ALOX12B: variants seen among roughly 807,000 people sequenced by gnomAD.
The protein encoded by ALOX12B is arachidonate 12-lipoxygenase, 12R-type.
Under a neutral mutation model 78.9 loss-of-function variants are expected in ALOX12B, and 47 were observed. The observed-to-expected ratio is 0.60, with a 90% confidence interval of 0.47 to 0.76. The LOEUF (loss-of-function observed/expected upper bound fraction) is 0.76. ALOX12B is among the 30% of genes least tolerant of loss of function. The probability of loss-of-function intolerance (pLI) is 0.00; values close to 1 mark genes in which losing one functional copy is unlikely to be tolerated. For missense variants in ALOX12B, 805 were observed against 922.6 expected (o/e 0.87, Z 1.65); for synonymous variants, 370 against 374.5 (o/e 0.99, Z 0.14).
In ALOX12B at chr17:8,079,785, A is replaced by G; in HGVS notation, c.911T>C (p.Leu304Ser). ...VAPFLGEGTC[L>S]QAELEKGNIY... ...GGGCCTCACCTCCAGCTCCGCTTGCAAGCACGTTCCCTCGCCCAGGAACGG... is the reference window on the plus strand; with the variant it reads ...GGGCCTCACCTCCAGCTCCGCTTGCGAGCACGTTCCCTCGCCCAGGAACGG... The change falls in exon 7 of 15, where the codon TTG becomes TCG. Residue 304 changes from leucine (L) to serine (S), a missense_variant. By Grantham distance (145) the Leu-to-Ser change is moderately radical (BLOSUM62 -2). Transcript: ENST00000647874. This position sits in a 1 kb window ranked among gnomAD's most constrained non-coding sequence, Gnocchi z 6.4. 1 of 1,612,694 alleles carries G rather than the reference A, an allele frequency of 6.2e-7. No homozygotes were observed. Among genetic ancestry groups the G allele is most frequent in the Non-Finnish European group, 8.5e-7 (1 of 1,179,798 alleles).
chr17:8,077,255 A>C (rs761694953), intron 8 of ALOX12B, 62 bp from the exon 9 acceptor site: 9 of 1,506,638 alleles, frequency 6.0e-6, no homozygotes, highest in Admixed American at 5.8e-5. Flanking sequence ...TAAAGGCCCC[A>C]CCGCAGGAAG....
At chr17:8,075,820 A>AGCT in intron 11 of ALOX12B, 104 bp from the exon 12 acceptor site, 1 of 1,590,046 alleles carries the variant, frequency 6.3e-7, no homozygotes, top group African/African-American at 1.3e-5. Flanking sequence ...TTGGCCCCAG[A>AGCT]GCTGCCCCAG....
intron 13 of ALOX12B, 140 bp downstream of exon 13, chr17:8,073,517 G>T (rs112977879): frequency 0.012 from 12,861 of 1,058,848 alleles, 93 homozygotes; most frequent in South Asian, 0.017. Context: ...CTCGGTTTCC[G>T]TTGGGACTGG....
chr17:8,084,278 G>A (rs1002600879), intron 2 of ALOX12B, among the ~76,000 whole-genome samples: 2 of 152,132 alleles, frequency 1.3e-5, no homozygotes, highest in East Asian at 1.9e-4. Flanking sequence ...TGTGCCTACC[G>A]CTGCAGCCCA....
intron 10 of ALOX12B, 119 bp downstream of exon 10, chr17:8,076,538 C>T (rs2151821902): frequency 2.3e-6 from 3 of 1,318,536 alleles, no homozygotes; most frequent in South Asian, 1.3e-5. Context: ...TCATCCAGCT[C>T]CCTCCCTTCA....
Position 8,080,395 on chromosome 17 carries a change from G to C in ALOX12B, c.651-57C>G, listed in dbSNP as rs915235957. ...AGAGGGGCTGCCAAGCGCCGGCTGG[G>C]GCAGGTGGCGGGGCCGCCCCATCCA... On this transcript the variant is annotated intron_variant, in intron 5 of 14. Coordinates refer to ENST00000647874, the MANE Select transcript of ALOX12B (RefSeq NM_001139.3). The surrounding 1 kb of genome is among the most constrained non-coding windows in gnomAD (Gnocchi z 4.8). The C allele has an allele frequency of 1.2e-5, 19 of 1,590,960 alleles. No individual in the cohort carries two copies. Among genetic ancestry groups the C allele is most frequent in the Non-Finnish European group, 1.6e-5 (18 of 1,159,384 alleles).
At chr17:8,085,903 G>A in intron 2 of ALOX12B, 113 bp downstream of exon 2, 1 of 1,271,470 alleles carries the variant, frequency 7.9e-7, no homozygotes, top group Non-Finnish European at 1.1e-6. Context: ...AGGAGTCCCT[G>A]GTGGGGCTGG....
At chr17:8,074,119 C>T (rs934531008) in intron 12 of ALOX12B, among the ~76,000 whole-genome samples, 1 of 152,128 alleles carries the variant, frequency 6.6e-6, no homozygotes, top group Non-Finnish European at 1.5e-5. Context: ...AGTCCTGCCC[C>T]GACTCAACCC....
At chr17:8,076,899 G>T in intron 9 of ALOX12B, 91 bp downstream of exon 9, 1 of 1,469,588 alleles carries the variant, frequency 6.8e-7, no homozygotes. Context: ...GCTGACTGGA[G>T]TCTCTCTGAC....
In ALOX12B at chr17:8,087,536, G is replaced by C; in HGVS notation, c.-94C>G. On this transcript the variant is annotated 5_prime_UTR_variant, in exon 1 of 15. Transcript: ENST00000647874. Reference sequence around the variant, plus strand: ...AGGCAGGCAAGAGAAGCCAGGCACAGAGTGGAGTGGACAGGGCTGGCCTCC... The same window carrying C: ...AGGCAGGCAAGAGAAGCCAGGCACACAGTGGAGTGGACAGGGCTGGCCTCC... The C allele has an allele frequency of 1.3e-6, 2 of 1,593,582 alleles. No individual in the cohort carries two copies. Among genetic ancestry groups the C allele is most frequent in the South Asian group, 2.2e-5 (2 of 90,458 alleles).
At chr17:8,083,451 C>A (rs980156315) in intron 2 of ALOX12B, among the ~76,000 whole-genome samples, 1 of 152,184 alleles carries the variant, frequency 6.6e-6, no homozygotes, top group South Asian at 2.1e-4. Context: ...TCTGTTCAGG[C>A]CAGGTGCGGT....
chr17:8,075,196 G>A (rs140400364), intron 12 of ALOX12B, among the ~76,000 whole-genome samples: 1 of 152,288 alleles, frequency 6.6e-6, no homozygotes, highest in Non-Finnish European at 1.5e-5. Flanking sequence ...GTGTACCCAG[G>A]TGGCGGGACC....
chr17:8,078,848 C>A (rs1977143628), intron 8 of ALOX12B, among the ~76,000 whole-genome samples: 1 of 150,684 alleles, frequency 6.6e-6, no homozygotes, highest in Non-Finnish European at 1.5e-5. Flanking sequence ...CGCCTGTGAT[C>A]CCAACACACA....
intron 2 of ALOX12B, among the ~76,000 whole-genome samples, chr17:8,085,476 A>G (rs1478504545): frequency 6.6e-6 from 1 of 152,196 alleles, no homozygotes; most frequent in African/African-American, 2.4e-5. Context: ...CGTCATAATT[A>G]TAAGACCGCA....
intron 13 of ALOX12B, 89 bp downstream of exon 13, chr17:8,073,568 G>T: frequency 7.9e-7 from 1 of 1,264,490 alleles, no homozygotes; most frequent in Non-Finnish European, 1.1e-6. Flanking sequence ...CAGGGATTAT[G>T]GCTGAGGCTG....
At position 8,087,546 on chromosome 17, in the gene ALOX12B, G is replaced by T. The variant is rs1978306623; in HGVS notation, c.-104C>A. The T allele has an allele frequency of 6.3e-7, 1 of 1,578,028 alleles. No individual in the cohort carries two copies. The highest frequency in any genetic ancestry group is 1.3e-5 in the African/African-American group (1 of 74,302). The stretch of plus-strand genomic sequence containing the variant: ...GAGAAGCCAGGCACAGAGTGGAGTG[G>T]ACAGGGCTGGCCTCCGAGGTGCAGT... On this transcript the variant is annotated 5_prime_UTR_variant, in exon 1 of 15. Coordinates refer to ENST00000647874, the MANE Select transcript of ALOX12B (RefSeq NM_001139.3).
chr17:8,072,957 G>A lies in ALOX12B; in HGVS notation c.1927-7C>T. 2 of 1,609,718 alleles carry A rather than the reference G, an allele frequency of 1.2e-6. No individual in the cohort carries two copies. The highest frequency in any genetic ancestry group is 1.7e-6 in the Non-Finnish European group (2 of 1,177,582). ...GGAAGTGTCCCAGGGGCCGCTGCGG[G>A]CAGAGAGCTCGACAGCTGGGACCAG... On this transcript the variant is annotated splice_region_variant and splice_polypyrimidine_tract_variant and intron_variant, in intron 14 of 14. Transcript: ENST00000647874.
Position 8,079,703 on chromosome 17 carries a change from A to G in ALOX12B, c.927+66T>C. On this transcript the variant is annotated intron_variant, in intron 7 of 14. Transcript: ENST00000647874. This position sits in a 1 kb window ranked among gnomAD's most constrained non-coding sequence, Gnocchi z 6.4. The stretch of plus-strand genomic sequence containing the variant: ...ACTGGCGCGGGCGCCGGAGGTGGGG[A>G]GAGACGGGGATGCCCGCGAGGGAGG... 2 of 1,564,314 alleles carry G rather than the reference A, an allele frequency of 1.3e-6. No individual in the cohort carries two copies. The highest frequency in any genetic ancestry group is 1.7e-6 in the Non-Finnish European group (2 of 1,156,006).
intron 2 of ALOX12B, 32 bp downstream of exon 2, chr17:8,085,984 C>A (rs1486805585): frequency 6.2e-7 from 1 of 1,611,920 alleles, no homozygotes; most frequent in Non-Finnish European, 8.5e-7. Flanking sequence ...GGCCTCACGG[C>A]CATAGGATGG....
Sources: gnomAD v4.1 joint callset for allele counts (sites outside exome capture counted in the v4.1 genomes callset) on GRCh38, gnomAD v4.1.1 for gene constraint, Gnocchi (gnomAD v3.1) non-coding constraint, MANE v1.5 for transcripts, NCBI Gene and HGNC (gene_info 2026-07-23, HGNC 2026-07-21) for gene names.